The following POLR3B variants were observed in gnomAD, a reference collection of about 807,000 sequenced individuals.
The protein encoded by POLR3B is RNA polymerase III subunit B, also known as DNA-directed RNA polymerase III subunit RPC2.
In POLR3B, 96 loss-of-function variants were observed where a neutral mutation model predicts 147.4. That is an observed-to-expected ratio of 0.65 (90% CI 0.55 to 0.77). The LOEUF (loss-of-function observed/expected upper bound fraction) is 0.77, where lower values mean the gene tolerates loss of function less well. POLR3B is among the 30% of genes least tolerant of loss of function. The pLI is 0.00. For missense variants in POLR3B, 1,036 were observed against 1,413.5 expected (o/e 0.73, Z 4.28); for synonymous variants, 461 against 485.9 (o/e 0.95, Z 0.67).
chr12:106,481,026 T>C (rs1393303603), intron 23 of POLR3B, among the ~76,000 whole-genome samples: 1 of 152,190 alleles, frequency 6.6e-6, no homozygotes. Flanking sequence ...GTGAGCCCTC[T>C]CTGGCTGAAG....
At position 106,401,195 on chromosome 12, in the gene POLR3B, T is replaced by C. The variant is rs565755916; in HGVS notation, c.847-4662T>C. Among the ~76,000 whole-genome samples, 635 of 152,178 alleles carry C rather than the reference T, an allele frequency of 4.2e-3. 7 individuals carry two copies. Among genetic ancestry groups the C allele is most frequent in the African/African-American group, 0.014 (597 of 41,534 alleles). The stretch of plus-strand genomic sequence containing the variant: ...CTACCATCAGAGAATACTATAAACA[T>C]GTCTATGCAAATAAACTAGAAAATC... On this transcript the variant is annotated intron_variant, in intron 10 of 27. Coordinates refer to ENST00000228347, the MANE Select transcript of POLR3B (RefSeq NM_018082.6).
intron 16 of POLR3B, among the ~76,000 whole-genome samples, chr12:106,434,876 C>T (rs2037557289): frequency 1.3e-5 from 2 of 152,160 alleles, no homozygotes; most frequent in African/African-American, 2.4e-5. Flanking sequence ...CAGTCCAGCA[C>T]CCTCTTCTCT....
intron 10 of POLR3B, among the ~76,000 whole-genome samples, 190 bp from the exon 11 acceptor site, chr12:106,405,665 AGT>A (rs2037141795): frequency 1.3e-5 from 2 of 152,084 alleles, no homozygotes; most frequent in African/African-American, 4.8e-5. Flanking sequence ...AAAGGGAACC[AGT>A]GTGTTAGGCA....
chr12:106,432,091 CTGTA>C (rs2037517739), intron 14 of POLR3B, among the ~76,000 whole-genome samples: 1 of 152,152 alleles, frequency 6.6e-6, no homozygotes, highest in Admixed American at 6.5e-5. Flanking sequence ...CTGAGCATTT[CTGTA>C]TCTAAATCTA....
intron 24 of POLR3B, chr12:106,496,368 C>T: frequency 1.5e-6 from 1 of 656,070 alleles, no homozygotes; most frequent in Non-Finnish European, 2.7e-6. Flanking sequence ...TCTATACCTC[C>T]CTTTGAGAGT....
chr12:106,430,599 A>G (rs1012874292), intron 14 of POLR3B, 126 bp downstream of exon 14: 13 of 742,090 alleles, frequency 1.8e-5, no homozygotes, highest in Admixed American at 4.0e-5. Flanking sequence ...TCTGTCATTT[A>G]TCTGGCAAAT....
intron 22 of POLR3B, among the ~76,000 whole-genome samples, chr12:106,461,719 C>T (rs1233105334): frequency 1.3e-5 from 2 of 152,028 alleles, no homozygotes; most frequent in Non-Finnish European, 2.9e-5. Flanking sequence ...CATTTGACAC[C>T]ACTGACCTCT....
At chr12:106,425,141 A>G (rs150969712) in intron 12 of POLR3B, among the ~76,000 whole-genome samples, 7 of 152,308 alleles carry the variant, frequency 4.6e-5, no homozygotes, top group African/African-American at 1.7e-4. Context: ...CACCTCCAAT[A>G]CAATGTTGAA....
intron 6 of POLR3B, among the ~76,000 whole-genome samples, chr12:106,370,103 T>C (rs909255459): frequency 6.6e-6 from 1 of 152,210 alleles, no homozygotes; most frequent in African/African-American, 2.4e-5. Context: ...TAGCATCCAC[T>C]TGCGTTTTTG....
chr12:106,423,325 T>A (rs2037395751), intron 12 of POLR3B, among the ~76,000 whole-genome samples: 1 of 152,210 alleles, frequency 6.6e-6, no homozygotes, highest in African/African-American at 2.4e-5. Flanking sequence ...AAGACATGAC[T>A]AAAATTTTTC....
Position 106,442,095 on chromosome 12 carries a change from AAG to A in POLR3B, c.1956-2366_1956-2365del, listed in dbSNP as rs1491457339. Among the ~76,000 whole-genome samples the A allele has an allele frequency of 4.8e-4, 72 of 150,650 alleles. 6 individuals carry two copies. The highest frequency in any genetic ancestry group is 7.1e-4 in the African/African-American group (29 of 40,680). The stretch of plus-strand genomic sequence containing the variant: ...AAATCCGCCTCAAAAAAAAAAAAGA[AAG>A]AAAGAAAGAAAGAAATCTCCCAATT... On this transcript the variant is annotated intron_variant, in intron 18 of 27. Coordinates refer to ENST00000228347, the MANE Select transcript of POLR3B (RefSeq NM_018082.6).
chr12:106,369,482 C>A, intron 5 of POLR3B, 101 bp from the exon 6 acceptor site: 1 of 970,272 alleles, frequency 1.0e-6, no homozygotes, highest in South Asian at 1.3e-5. Context: ...GATTAAAGTT[C>A]AATGTGGACC....
chr12:106,464,927 A>G (rs1421288435), intron 23 of POLR3B, among the ~76,000 whole-genome samples: 1 of 152,224 alleles, frequency 6.6e-6, no homozygotes, highest in African/African-American at 2.4e-5. Context: ...TTCTGTTGAC[A>G]GAGGCAAGAT....
rs573078662 is a variant in POLR3B, at chr12:106,509,404, C to T, written c.3273-16C>T. The T allele has an allele frequency of 1.2e-6, 2 of 1,613,250 alleles. No homozygotes were observed. The highest frequency in any genetic ancestry group is 2.2e-5 in the East Asian group (1 of 44,862). Reference sequence around the variant, plus strand: ...CGAGTTGCTGTCTGTCTAACGCTTGCTGACTTGCGTTTCAGGTGCCATTAC... The same window carrying T: ...CGAGTTGCTGTCTGTCTAACGCTTGTTGACTTGCGTTTCAGGTGCCATTAC... On this transcript the variant is annotated splice_polypyrimidine_tract_variant and intron_variant, in intron 27 of 27. Transcript: ENST00000228347.
chr12:106,490,946 A>G (rs527756277), intron 23 of POLR3B, among the ~76,000 whole-genome samples: 1 of 152,310 alleles, frequency 6.6e-6, no homozygotes, highest in East Asian at 1.9e-4. Flanking sequence ...ATCAGGAGAC[A>G]GTGTCTTGAT....
chr12:106,447,051 C>A (rs894059972), intron 19 of POLR3B, among the ~76,000 whole-genome samples: 1 of 152,214 alleles, frequency 6.6e-6, no homozygotes, highest in Non-Finnish European at 1.5e-5. Context: ...AACTCATACT[C>A]TATCCCATTT....
chr12:106,371,954 A>G (rs1203667756), intron 6 of POLR3B, among the ~76,000 whole-genome samples: 1 of 152,090 alleles, frequency 6.6e-6, no homozygotes, highest in Non-Finnish European at 1.5e-5. Flanking sequence ...ATAAAATAAA[A>G]TAAAATAAAA....
Position 106,366,579 on chromosome 12 carries a change from A to G in POLR3B, c.162+7A>G, listed in dbSNP as rs1290529714. 1.2e-6 allele frequency: 2 copies of G among 1,604,852 alleles called. No homozygotes were observed. The highest frequency in any genetic ancestry group is 1.7e-6 in the Non-Finnish European group (2 of 1,171,570). On this transcript the variant is annotated splice_region_variant and intron_variant, in intron 3 of 27. Coordinates refer to ENST00000228347, the MANE Select transcript of POLR3B (RefSeq NM_018082.6). ...CTATTTCATTAATGTAGAGGTAAGCATCAGATGTTAGAAATAGACATAAAC... is the reference window on the plus strand; with the variant it reads ...CTATTTCATTAATGTAGAGGTAAGCGTCAGATGTTAGAAATAGACATAAAC...
chr12:106,393,234 G>T (rs1346083220), intron 10 of POLR3B, 81 bp downstream of exon 10: 1 of 1,566,096 alleles, frequency 6.4e-7, no homozygotes, highest in Non-Finnish European at 8.8e-7. Flanking sequence ...CATCGGATGT[G>T]ATGGCTTTGG....
Sources: allele counts gnomAD v4.1 joint callset (sites outside exome capture counted in the v4.1 genomes callset), GRCh38; gene constraint gnomAD v4.1.1; transcripts MANE v1.5; gene names NCBI Gene and HGNC (gene_info 2026-07-23, HGNC 2026-07-21).